Variants in USP15 observed in about 807,000 individuals in gnomAD.
USP15 encodes the protein ubiquitin carboxyl-terminal hydrolase 15.
USP15 carries 18 observed loss-of-function variants against 127.1 expected under a neutral mutation model. That is an observed-to-expected ratio of 0.14 (90% CI 0.10 to 0.21). The LOEUF is 0.21. Ranked by LOEUF, USP15 falls within the 10% of genes least tolerant of loss-of-function variation. USP15 has a pLI of 1.00. For synonymous variants in USP15, 364 were observed against 393.7 expected, an observed-to-expected ratio of 0.92 and a Z score of 0.89; for missense variants, 805 against 1,159.9, an observed-to-expected ratio of 0.69 and a Z score of 4.44.
chr12:62,404,031 A>G (rs2067783930), intron 21 of USP15, among the ~76,000 whole-genome samples, 162 bp from the exon 22 acceptor site: 1 of 151,120 alleles, frequency 6.6e-6, no homozygotes, highest in Non-Finnish European at 1.5e-5. Flanking sequence ...ATTAGAAATC[A>G]TCTTATATTT....
At chr12:62,374,949 T>C (rs2066778974) in intron 8 of USP15, among the ~76,000 whole-genome samples, 1 of 152,096 alleles carries the variant, frequency 6.6e-6, no homozygotes, top group Non-Finnish European at 1.5e-5. Context: ...AGGGTATTTA[T>C]AACTAGAGAG....
rs1273445794 is a variant in USP15, at chr12:62,408,628, T to C, written c.*4253T>C. 1 of 152,144 alleles carries C rather than the reference T, an allele frequency of 6.6e-6. No individual in the cohort carries two copies. Among genetic ancestry groups the C allele is most frequent in the Non-Finnish European group, 1.5e-5 (1 of 68,016 alleles). The allele number at this position is 152,144 out of a possible 1,614,324, so 9.4% of individuals were successfully genotyped here. On this transcript the variant is annotated 3_prime_UTR_variant, in exon 22 of 22. Transcript: ENST00000280377. Reference sequence around the variant, plus strand: ...ATTTGGAAACAACCTCTCTTGAAAATATATTGGTATTCATTCCCAAATAAT... The same window carrying C: ...ATTTGGAAACAACCTCTCTTGAAAACATATTGGTATTCATTCCCAAATAAT...
At chr12:62,385,264 T>C (rs1230084088) in intron 11 of USP15, among the ~76,000 whole-genome samples, 1 of 151,940 alleles carries the variant, frequency 6.6e-6, no homozygotes, top group Non-Finnish European at 1.5e-5. Flanking sequence ...AAAGATATGA[T>C]TCCTGCTTTA....
chr12:62,309,276 G>A (rs1049623928), intron 3 of USP15, among the ~76,000 whole-genome samples: 1 of 151,972 alleles, frequency 6.6e-6, no homozygotes, highest in African/African-American at 2.4e-5. Context: ...AGACTTTTTT[G>A]AAAAGATTAT....
At position 62,408,429 on chromosome 12, in the gene USP15, A is replaced by AAAACC. The variant is rs1197958516; in HGVS notation, c.*4054_*4055insAAACC. The AAAACC allele has an allele frequency of 2.0e-5, 3 of 152,148 alleles. No individual in the cohort carries two copies. The highest frequency in any genetic ancestry group is 4.4e-5 in the Non-Finnish European group (3 of 68,024). The allele number at this position is 152,148 out of a possible 1,614,324, so 9.4% of individuals were successfully genotyped here. A position where few individuals can be genotyped will look rare whatever the true frequency, so the allele number is the denominator to read the frequency against. On this transcript the variant is annotated 3_prime_UTR_variant, in exon 22 of 22. Transcript: ENST00000280377. ...AATGTGGAAAACTCTTGAATCATAG[A>AAAACC]CTAGGGGAAGGAACCAGAGGTCCTC...
chr12:62,296,980 A>T (rs144875375), intron 2 of USP15, among the ~76,000 whole-genome samples: 1 of 152,316 alleles, frequency 6.6e-6, no homozygotes, highest in Non-Finnish European at 1.5e-5. Context: ...GGGGCAGTTA[A>T]CAAAGGAAAG....
intron 6 of USP15, among the ~76,000 whole-genome samples, chr12:62,341,829 A>G (rs1358827334): frequency 1.3e-5 from 2 of 151,984 alleles, no homozygotes; most frequent in Non-Finnish European, 2.9e-5. Context: ...CTTCATTTCA[A>G]CCTTGGAGAA....
At chr12:62,388,970 T>G (rs570070885) in intron 11 of USP15, among the ~76,000 whole-genome samples, 1 of 152,034 alleles carries the variant, frequency 6.6e-6, no homozygotes, top group African/African-American at 2.4e-5. Context: ...CTCTAAAAAA[T>G]AAAAATTAGC....
rs1446356603 is a variant in USP15, at chr12:62,404,298, A to G, written c.2869A>G (p.Ile957Val). ...ETKGASAATG[I>V]PLESDEDSND... ...TAAAGGTGCTTCAGCTGCCACTGGC[A>G]TCCCATTAGAAAGTGATGAAGATAG... is the stretch of plus-strand genomic sequence containing the variant. Residue 957 changes from isoleucine (I) to valine (V), a missense_variant, in exon 22 of 22, where the codon ATC becomes GTC. Ile to Val is a conservative substitution (Grantham distance 29, BLOSUM62 3). Transcript: ENST00000280377. 1.2e-6 allele frequency: 2 copies of G among 1,613,268 alleles called. No homozygotes were observed. The highest frequency in any genetic ancestry group is 1.7e-6 in the Non-Finnish European group (2 of 1,179,416).
At chr12:62,392,508 T>C (rs2067355936) in intron 18 of USP15, 121 bp downstream of exon 18, 1 of 689,444 alleles carries the variant, frequency 1.5e-6, no homozygotes, top group Non-Finnish European at 2.3e-6. Context: ...TAGTAAAGGA[T>C]TCTTTATATA....
intron 6 of USP15, among the ~76,000 whole-genome samples, chr12:62,344,807 C>T (rs908128854): frequency 6.6e-6 from 1 of 152,194 alleles, no homozygotes; most frequent in Non-Finnish European, 1.5e-5. Context: ...ATGGAAGCTG[C>T]CAAGATTTGG....
At chr12:62,341,509 G>C (rs927832830) in intron 6 of USP15, among the ~76,000 whole-genome samples, 19 of 152,132 alleles carry the variant, frequency 1.2e-4, no homozygotes, top group Non-Finnish European at 2.5e-4. Context: ...TTTTGCAGTG[G>C]CTGGTACCAG....
intron 11 of USP15, among the ~76,000 whole-genome samples, chr12:62,385,262 G>C (rs1365559524): frequency 6.6e-6 from 1 of 151,866 alleles, no homozygotes; most frequent in East Asian, 1.9e-4. Context: ...AAAAAGATAT[G>C]ATTCCTGCTT....
At chr12:62,271,586 C>T (rs1235359714) in intron 1 of USP15, among the ~76,000 whole-genome samples, 1 of 151,692 alleles carries the variant, frequency 6.6e-6, no homozygotes, top group Non-Finnish European at 1.5e-5. Flanking sequence ...TTGTTAATAC[C>T]AAACCTAATT....
At chr12:62,382,760 CT>C (rs1463749957) in intron 9 of USP15, among the ~76,000 whole-genome samples, 1 of 151,862 alleles carries the variant, frequency 6.6e-6, no homozygotes, top group East Asian at 1.9e-4. Flanking sequence ...CTCTGTGATA[CT>C]CATCCTCCTT....
At chr12:62,388,059 G>T (rs2067208009) in intron 11 of USP15, among the ~76,000 whole-genome samples, 1 of 151,346 alleles carries the variant, frequency 6.6e-6, no homozygotes, top group African/African-American at 2.4e-5. Context: ...GATGAAATAG[G>T]TATTCTGCTG....
rs112230766 is a variant in USP15, at chr12:62,317,383, A to G, written c.475+2467A>G. Among the ~76,000 whole-genome samples the G allele has an allele frequency of 3.6e-3, 554 of 152,288 alleles. 1 individual carries two copies. Among genetic ancestry groups the G allele is most frequent in the African/African-American group, 9.9e-3 (410 of 41,576 alleles). ...AAGCTGAGATTTAGAATCTACTTCA[A>G]TTCACCCTGGTACCAAGTGGTAGAG... is the stretch of plus-strand genomic sequence containing the variant. On this transcript the variant is annotated intron_variant, in intron 4 of 21. Coordinates refer to ENST00000280377, the MANE Select transcript of USP15 (RefSeq NM_001252078.2).
In USP15 at chr12:62,262,360, G is replaced by A. The variant is rs114372816; in HGVS notation, c.89+1857G>A. ...TTGTGGTAATGACAAATAAGTCCCC[G>A]CTGGCTATTGTAAGTTAAAGAACAT... On this transcript the variant is annotated intron_variant, in intron 1 of 21. Coordinates refer to ENST00000280377, the MANE Select transcript of USP15 (RefSeq NM_001252078.2). 8.5e-4 allele frequency among the ~76,000 whole-genome samples: 129 copies of A among 152,224 alleles called. 2 individuals carry two copies. The highest frequency in any genetic ancestry group is 2.8e-3 in the African/African-American group (118 of 41,546).
At chr12:62,388,117 ATTTT>A (rs58192089) in intron 11 of USP15, among the ~76,000 whole-genome samples, 7,182 of 106,456 alleles carry the variant, frequency 0.067, 114 homozygotes, top group South Asian at 0.13. Context: ...AATGGTGAAG[ATTTT>A]TTTTTTTTTT....
Sources: gnomAD v4.1 joint callset for allele counts (sites outside exome capture counted in the v4.1 genomes callset) on GRCh38, gnomAD v4.1.1 for gene constraint, MANE v1.5 for transcripts, NCBI Gene and HGNC (gene_info 2026-07-23, HGNC 2026-07-21) for gene names.